The following RNF10 variants were observed in gnomAD, a reference collection of about 807,000 sequenced individuals.
RNF10 encodes the protein ring finger protein 10, also known as E3 ubiquitin-protein ligase RNF10.
Under a neutral mutation model 91.4 loss-of-function variants are expected in RNF10, and 38 were observed. That is an observed-to-expected ratio of 0.42 (90% CI 0.32 to 0.54). The LOEUF is 0.54. RNF10 is among the 20% of genes least tolerant of loss of function. The pLI, the probability that RNF10 is intolerant of heterozygous loss-of-function variation, is 0.16. For missense variants in RNF10, 945 were observed against 1,012.0 expected (o/e 0.93, Z 0.90); for synonymous variants, 364 against 366.3 (o/e 0.99, Z 0.07).
chr12:120,534,836 G>A lies in RNF10; in HGVS notation c.25G>A (p.Ala9Thr). ...GATGCCGCTGAGCTCCCCCAACGCC[G>A]CCGCCACCGCCTCCGACATGGACAA... is the stretch of plus-strand genomic sequence containing the variant. MPLSSPNA[A>T]ATASDMDKNS... Residue 9 changes from alanine (A) to threonine (T), a missense_variant, in exon 1 of 17, where the codon GCC becomes ACC. Ala to Thr is a moderately conservative substitution (Grantham distance 58, BLOSUM62 0). Coordinates refer to ENST00000325954, the MANE Select transcript of RNF10 (RefSeq NM_014868.5). The A allele has an allele frequency of 6.3e-7, 1 of 1,598,310 alleles. No homozygotes were observed. The highest frequency in any genetic ancestry group is 2.3e-5 in the East Asian group (1 of 44,336).
chr12:120,571,121 A>C, intron 13 of RNF10, 70 bp from the exon 14 acceptor site: 3 of 980,820 alleles, frequency 3.1e-6, no homozygotes, highest in Non-Finnish European at 1.6e-6. Context: ...CTCAGGGCTC[A>C]CTCATCTCTC....
chr12:120,575,855 G>C lies in RNF10; in HGVS notation c.2264G>C (p.Arg755Pro). The C allele has an allele frequency of 6.2e-7, 1 of 1,614,172 alleles. No individual in the cohort carries two copies. The highest frequency in any genetic ancestry group is 8.5e-7 in the Non-Finnish European group (1 of 1,180,014). Residue 755 changes from arginine (R) to proline (P), a missense_variant, in exon 16 of 17, where the codon CGT becomes CCT. Arg to Pro is a moderately radical substitution (Grantham distance 103). Transcript: ENST00000325954. Reference sequence around the variant, plus strand: ...GACGGGGAGAGTGATAATTCAGACCGTGTTCCTGTGCCCAGTTTTCAAAAT... The same window carrying C: ...GACGGGGAGAGTGATAATTCAGACCCTGTTCCTGTGCCCAGTTTTCAAAAT... Reference protein sequence around the residue: ...DSDGESDNSDRVPVPSFQNSF... With the variant: ...DSDGESDNSDPVPVPSFQNSF...
At position 120,534,829 on chromosome 12, in the gene RNF10, C is replaced by G; in HGVS notation, c.18C>G (p.Pro6=). 1 of 1,593,524 alleles carries G rather than the reference C, an allele frequency of 6.3e-7. No individual in the cohort carries two copies. Among genetic ancestry groups the G allele is most frequent in the Non-Finnish European group, 8.5e-7 (1 of 1,175,056 alleles). ...CCCCGTTGATGCCGCTGAGCTCCCC[C>G]AACGCCGCCGCCACCGCCTCCGACA... MPLSS[P]NAAATASDMD... is the part of the protein sequence containing the mutation. Residue 6 remains proline, a synonymous_variant, in exon 1 of 17, where the codon CCC becomes CCG. Transcript: ENST00000325954.
chr12:120,572,556 C>T (rs1876799182), intron 14 of RNF10, among the ~76,000 whole-genome samples: 1 of 152,124 alleles, frequency 6.6e-6, no homozygotes, highest in Admixed American at 6.6e-5. Flanking sequence ...AGATGATTAA[C>T]AAGTGGCTCC....
At chr12:120,562,097 G>A (rs1402476918) in intron 7 of RNF10, among the ~76,000 whole-genome samples, 1 of 151,800 alleles carries the variant, frequency 6.6e-6, no homozygotes, top group East Asian at 1.9e-4. Flanking sequence ...TTTCACCCAG[G>A]TATTAAGCTT....
At chr12:120,547,491 A>C (rs1872505734) in intron 2 of RNF10, among the ~76,000 whole-genome samples, 1 of 151,930 alleles carries the variant, frequency 6.6e-6, no homozygotes, top group South Asian at 2.1e-4. Flanking sequence ...AGTGGATCTT[A>C]CTATGTTGTC....
chr12:120,552,827 C>A, intron 3 of RNF10, 129 bp downstream of exon 3: 1 of 756,278 alleles, frequency 1.3e-6, no homozygotes, highest in Non-Finnish European at 2.1e-6. Context: ...CGTTCTTTTT[C>A]TGTTCACCAC....
intron 14 of RNF10, among the ~76,000 whole-genome samples, chr12:120,573,586 A>AG (rs1491174826): frequency 3.3e-5 from 3 of 91,108 alleles, no homozygotes; most frequent in African/African-American, 1.9e-4. Flanking sequence ...GTCATTTATC[A>AG]AAAAAAAAAA....
chr12:120,546,556 C>T lies in RNF10; in HGVS notation c.309C>T (p.Ser103=). ...NKMPPQRGGG[S]SKLFSSSFNG... ...TGCCTCCTCAAAGGGGCGGCGGCAG[C>T]AGCAAACTCTTTAGCTCTTCTTTTA... Residue 103 remains serine, a synonymous_variant, in exon 2 of 17, where the codon AGC becomes AGT. Transcript: ENST00000325954. 6.2e-7 allele frequency: 1 copy of T among 1,614,088 alleles called. No individual in the cohort carries two copies. Among genetic ancestry groups the T allele is most frequent in the Non-Finnish European group, 8.5e-7 (1 of 1,180,002 alleles).
chr12:120,562,400 G>A (rs907066623), intron 7 of RNF10, among the ~76,000 whole-genome samples: 22 of 149,240 alleles, frequency 1.5e-4, no homozygotes, highest in African/African-American at 5.2e-4. Context: ...TCAGCCTCCT[G>A]AGTAGCAGGA....
chr12:120,557,837 A>G (rs1409871201), intron 6 of RNF10, among the ~76,000 whole-genome samples, 155 bp downstream of exon 6: 2 of 152,224 alleles, frequency 1.3e-5, no homozygotes, highest in Non-Finnish European at 2.9e-5. Flanking sequence ...TGGGGTTTGT[A>G]GAGAGTAGAT....
intron 1 of RNF10, among the ~76,000 whole-genome samples, chr12:120,535,833 CCT>C (rs751695158): frequency 6.6e-6 from 1 of 152,174 alleles, no homozygotes; most frequent in Non-Finnish European, 1.5e-5. Context: ...GAAGTTTTTA[CCT>C]CTGTTTTCAC....
chr12:120,544,356 CAAAAAA>C (rs35169785), intron 1 of RNF10, among the ~76,000 whole-genome samples: 1 of 115,094 alleles, frequency 8.7e-6, no homozygotes, highest in Non-Finnish European at 1.8e-5. Context: ...CCCAACTCTA[CAAAAAA>C]AAAAAAAAAA....
intron 1 of RNF10, among the ~76,000 whole-genome samples, chr12:120,541,332 C>T (rs1351042044): frequency 2.6e-5 from 4 of 152,104 alleles, no homozygotes; most frequent in Non-Finnish European, 5.9e-5. Flanking sequence ...ATATACCTAT[C>T]CTCGTAGAAT....
At chr12:120,563,248 T>A in intron 8 of RNF10, 99 bp from the exon 9 acceptor site, 10 of 1,492,508 alleles carry the variant, frequency 6.7e-6, no homozygotes, top group Non-Finnish European at 9.1e-6. Context: ...ACAGCTAAGA[T>A]AAACATCTAG....
At position 120,552,481 on chromosome 12, in the gene RNF10, C is replaced by T; in HGVS notation, c.355-18C>T. On this transcript the variant is annotated intron_variant, in intron 2 of 16. Coordinates refer to ENST00000325954, the MANE Select transcript of RNF10 (RefSeq NM_014868.5). ...GTCATCCTAATCTGAAATACTGATT[C>T]ATTCTCATTCTCTCTAGGTAGCAGA... 1 of 1,603,538 alleles carries T rather than the reference C, an allele frequency of 6.2e-7. No individual in the cohort carries two copies. The highest frequency in any genetic ancestry group is 2.2e-5 in the East Asian group (1 of 44,808).
intron 14 of RNF10, chr12:120,574,986 T>A (rs537223842): frequency 6.3e-6 from 1 of 159,746 alleles, no homozygotes. Flanking sequence ...ACGCCTATAA[T>A]CCCAGCACTT....
At chr12:120,558,779 C>T (rs1297659390) in intron 6 of RNF10, among the ~76,000 whole-genome samples, 2 of 151,240 alleles carry the variant, frequency 1.3e-5, no homozygotes, top group East Asian at 3.9e-4. Flanking sequence ...ACCATGTTGG[C>T]AGGCTAGTCT....
Position 120,534,881 on chromosome 12 carries a change from T to A in RNF10, c.70T>A (p.Ser24Thr). 6.2e-7 allele frequency: 1 copy of A among 1,608,048 alleles called. No homozygotes were observed. The highest frequency in any genetic ancestry group is 1.1e-5 in the South Asian group (1 of 90,990). The change falls in exon 1 of 17, where the codon TCC becomes ACC. Residue 24 changes from serine to threonine, a missense_variant. Ser to Thr is a moderately conservative substitution (Grantham distance 58). Transcript: ENST00000325954. ...DMDKNSGSNS[S>T]SASSGSSKGQ... ...GGACAAGAACAGCGGCTCCAACAGC[T>A]CCTCCGCCTCTTCGGGCAGCAGCAA...
Sources: gnomAD v4.1 joint callset for allele counts (sites outside exome capture counted in the v4.1 genomes callset) on GRCh38, gnomAD v4.1.1 for gene constraint, MANE v1.5 for transcripts, NCBI Gene and HGNC (gene_info 2026-07-23, HGNC 2026-07-21) for gene names.